CACNA2D3: variants seen among roughly 807,000 people sequenced by gnomAD.
CACNA2D3 encodes calcium voltage-gated channel auxiliary subunit alpha2delta 3.
Under a neutral mutation model 160.6 loss-of-function variants are expected in CACNA2D3, and 60 were observed. The observed-to-expected ratio is 0.37, with a 90% CI of 0.30 to 0.46. The LOEUF (loss-of-function observed/expected upper bound fraction) is 0.46. Among genes scored for constraint, CACNA2D3 ranks in the 20% least tolerant of loss-of-function variants. The pLI is 1.00. For missense variants in CACNA2D3, 1,205 were observed against 1,365.0 expected, an observed-to-expected ratio of 0.88 and a Z score of 1.85; for synonymous variants, 558 against 492.9, an observed-to-expected ratio of 1.13 and a Z score of -1.75.
intron 2 of CACNA2D3, among the ~76,000 whole-genome samples, chr3:54,181,229 A>G (rs1010895416): frequency 1.3e-5 from 2 of 152,232 alleles, no homozygotes; most frequent in African/African-American, 4.8e-5. Context: ...AAATTGAGCT[A>G]TGGTGATGAA....
intron 16 of CACNA2D3, among the ~76,000 whole-genome samples, chr3:54,842,290 G>C (rs567213164): frequency 6.6e-6 from 1 of 152,318 alleles, no homozygotes; most frequent in South Asian, 2.1e-4. Flanking sequence ...TCAGGTACAG[G>C]CTTAAGAAGG....
intron 11 of CACNA2D3, among the ~76,000 whole-genome samples, chr3:54,726,643 G>A (rs531859176): frequency 6.6e-6 from 1 of 152,250 alleles, no homozygotes; most frequent in Non-Finnish European, 1.5e-5. Context: ...TGAGAAACCT[G>A]ACACAAACAA....
intron 4 of CACNA2D3, among the ~76,000 whole-genome samples, chr3:54,461,617 G>A (rs1026406105): frequency 2.6e-5 from 4 of 151,712 alleles, no homozygotes; most frequent in African/African-American, 4.8e-5. Flanking sequence ...GGAATCGGTG[G>A]TGATATCCCC....
chr3:54,782,312 A>T (rs1227965842), intron 13 of CACNA2D3, among the ~76,000 whole-genome samples: 1 of 152,214 alleles, frequency 6.6e-6, no homozygotes. Context: ...TATACTGTTA[A>T]GGTTTCTTTT....
chr3:54,439,308 G>GGT (rs71994824), intron 4 of CACNA2D3, among the ~76,000 whole-genome samples: 1,959 of 120,682 alleles, frequency 0.016, 31 homozygotes, highest in Middle Eastern at 0.022. Flanking sequence ...CATAAAGGAG[G>GGT]GTGTGTGTGT....
At chr3:54,864,415 G>A (rs755826091) in intron 17 of CACNA2D3, among the ~76,000 whole-genome samples, 12 of 152,142 alleles carry the variant, frequency 7.9e-5, no homozygotes, top group South Asian at 4.2e-4. Context: ...CTAGGACTAC[G>A]GCACACACCA....
intron 11 of CACNA2D3, among the ~76,000 whole-genome samples, chr3:54,727,804 T>C (rs536499222): frequency 3.9e-5 from 6 of 152,252 alleles, no homozygotes; most frequent in African/African-American, 9.6e-5. Flanking sequence ...AAATACCTAA[T>C]GTAGGTGACG....
At chr3:54,837,410 G>T (rs1365065996) in intron 15 of CACNA2D3, among the ~76,000 whole-genome samples, 180 bp downstream of exon 15, 1 of 152,098 alleles carries the variant, frequency 6.6e-6, no homozygotes, top group Admixed American at 6.6e-5. Flanking sequence ...ACCCAGGCTG[G>T]CATCATTTTA....
chr3:54,197,994 G>T (rs1321732939), intron 2 of CACNA2D3, among the ~76,000 whole-genome samples: 1 of 152,204 alleles, frequency 6.6e-6, no homozygotes, highest in East Asian at 1.9e-4. Flanking sequence ...GATGTTGTAT[G>T]TGTCTTTGGA....
At chr3:54,340,814 A>G (rs1359260488) in intron 3 of CACNA2D3, among the ~76,000 whole-genome samples, 1 of 152,134 alleles carries the variant, frequency 6.6e-6, no homozygotes, top group African/African-American at 2.4e-5. Flanking sequence ...TCCCCAGTCC[A>G]CAAGGCTTGG....
chr3:54,922,711 T>C (rs1700889025), intron 27 of CACNA2D3, among the ~76,000 whole-genome samples: 1 of 152,090 alleles, frequency 6.6e-6, no homozygotes, highest in African/African-American at 2.4e-5. Flanking sequence ...CGGGCTTAAA[T>C]ATACAACCTC....
intron 27 of CACNA2D3, among the ~76,000 whole-genome samples, chr3:54,916,982 C>T (rs1249271696): frequency 6.6e-6 from 1 of 152,184 alleles, no homozygotes; most frequent in African/African-American, 2.4e-5. Context: ...GTCATGGCCT[C>T]TGGAGGGACA....
At chr3:54,166,849 T>C (rs970317097) in intron 2 of CACNA2D3, among the ~76,000 whole-genome samples, 1 of 152,252 alleles carries the variant, frequency 6.6e-6, no homozygotes, top group Non-Finnish European at 1.5e-5. Flanking sequence ...TGAAAAATTA[T>C]GATGTATTTT....
chr3:54,739,148 GAGA>G (rs947455390), intron 11 of CACNA2D3, among the ~76,000 whole-genome samples: 3 of 151,874 alleles, frequency 2.0e-5, no homozygotes, highest in Non-Finnish European at 2.9e-5. Flanking sequence ...AGACTTGGCA[GAGA>G]AGAAGAAAAG....
intron 4 of CACNA2D3, among the ~76,000 whole-genome samples, chr3:54,436,242 C>T (rs1700058156): frequency 6.6e-6 from 1 of 152,170 alleles, no homozygotes; most frequent in Non-Finnish European, 1.5e-5. Context: ...CATCTCACGC[C>T]AGTTAGAATG....
chr3:54,361,580 A>C (rs1456231998), intron 3 of CACNA2D3, among the ~76,000 whole-genome samples: 1 of 152,202 alleles, frequency 6.6e-6, no homozygotes, highest in Non-Finnish European at 1.5e-5. Flanking sequence ...TTCATTTTTT[A>C]AACAGTGTGA....
chr3:54,221,068 AG>A (rs1345629578), intron 2 of CACNA2D3, among the ~76,000 whole-genome samples: 22 of 152,340 alleles, frequency 1.4e-4, no homozygotes, highest in African/African-American at 5.3e-4. Flanking sequence ...CCTCCATGCC[AG>A]GCACAGGCAA....
chr3:54,486,900 C>T (rs1442053840), intron 4 of CACNA2D3, among the ~76,000 whole-genome samples: 5 of 152,130 alleles, frequency 3.3e-5, no homozygotes, highest in Non-Finnish European at 7.3e-5. Flanking sequence ...CCAAAGCAAC[C>T]TTATTCACAG....
At position 54,345,260 on chromosome 3, in the gene CACNA2D3, G is replaced by A. The variant is rs141568872; in HGVS notation, c.321+24702G>A. Reference sequence around the variant, plus strand: ...CGAGATCCAAGAACCCTCTGCTGGGGTCTGGATCGGGACCCCTTTCCTGTA... The same window carrying A: ...CGAGATCCAAGAACCCTCTGCTGGGATCTGGATCGGGACCCCTTTCCTGTA... On this transcript the variant is annotated intron_variant, in intron 3 of 37. Transcript: ENST00000474759. 5.4e-3 allele frequency among the ~76,000 whole-genome samples: 825 copies of A among 152,300 alleles called. 7 individuals are homozygous for A. Among genetic ancestry groups the A allele is most frequent in the African/African-American group, 0.018 (761 of 41,552 alleles).
Sources: gnomAD v4.1 joint callset for allele counts (sites outside exome capture counted in the v4.1 genomes callset) on GRCh38, gnomAD v4.1.1 for gene constraint, MANE v1.5 for transcripts, NCBI Gene and HGNC (gene_info 2026-07-23, HGNC 2026-07-21) for gene names.